TRIM62: variants seen among roughly 807,000 people sequenced by gnomAD.
TRIM62 encodes the protein tripartite motif containing 62.
Under a neutral mutation model 44.2 loss-of-function variants are expected in TRIM62, and 39 were observed. That is an observed-to-expected ratio of 0.88 (90% CI 0.68 to 1.15). The LOEUF is 1.15. Ranked by LOEUF, TRIM62 falls within the 50% of genes most tolerant of loss-of-function variation. TRIM62 has a pLI of 0.00. For missense variants in TRIM62, 544 were observed against 665.5 expected (o/e 0.82, Z 2.01); for synonymous variants, 278 against 292.3 (o/e 0.95, Z 0.50).
At chr1:33,172,826 G>A (rs1328958580) in intron 1 of TRIM62, among the ~76,000 whole-genome samples, 2 of 152,148 alleles carry the variant, frequency 1.3e-5, no homozygotes, top group Non-Finnish European at 2.9e-5. Flanking sequence ...AGCCATCTCA[G>A]CTCTGGCTTC....
chr1:33,172,495 G>A (rs958605367), intron 1 of TRIM62, among the ~76,000 whole-genome samples: 2 of 152,118 alleles, frequency 1.3e-5, no homozygotes, highest in Non-Finnish European at 2.9e-5. Context: ...GGCACTGGAG[G>A]AGGCCTTGAA....
chr1:33,155,816 G>T (rs774820414), intron 4 of TRIM62, among the ~76,000 whole-genome samples: 6 of 151,938 alleles, frequency 3.9e-5, no homozygotes, highest in Admixed American at 2.6e-4. Flanking sequence ...TCTGCCCTTG[G>T]GGGGGATCTG....
At position 33,161,432 on chromosome 1, in the gene TRIM62, C is replaced by T. The variant is rs1034898244; in HGVS notation, c.505-1488G>A. Among the ~76,000 whole-genome samples the T allele has an allele frequency of 6.6e-6, 1 of 152,142 alleles. No individual in the cohort carries two copies. The highest frequency in any genetic ancestry group is 2.4e-5 in the African/African-American group (1 of 41,434). On this transcript the variant is annotated intron_variant, in intron 2 of 4. Transcript: ENST00000291416. This position sits in a 1 kb window ranked among gnomAD's most constrained non-coding sequence, Gnocchi z 4.3. ...GGCTGGGAGTTCATGGAGTCAGAAA[C>T]CCCACTGTGTTCAGTGCCCAGGGCT...
At chr1:33,171,511 C>T (rs1645374508) in intron 1 of TRIM62, among the ~76,000 whole-genome samples, 1 of 152,190 alleles carries the variant, frequency 6.6e-6, no homozygotes, top group Non-Finnish European at 1.5e-5. Context: ...CTTGGCCTCC[C>T]TACCTCCCAT....
chr1:33,158,150 T>TGCTCATTCACCCC, intron 4 of TRIM62, 103 bp downstream of exon 4: 1 of 1,033,796 alleles, frequency 9.7e-7, no homozygotes, highest in Non-Finnish European at 1.5e-6. Flanking sequence ...CAAGGCACTC[T>TGCTCATTCACCCC]GCTCATTCAC....
At chr1:33,154,491 T>C (rs1201323491) in intron 4 of TRIM62, among the ~76,000 whole-genome samples, 1 of 151,898 alleles carries the variant, frequency 6.6e-6, no homozygotes, top group Non-Finnish European at 1.5e-5. Flanking sequence ...ATCTTTTTTT[T>C]TTCTTAATTA....
intron 1 of TRIM62, among the ~76,000 whole-genome samples, chr1:33,169,366 T>G (rs1365536977): frequency 6.6e-6 from 1 of 152,178 alleles, no homozygotes; most frequent in Non-Finnish European, 1.5e-5. Flanking sequence ...CTCTGGAATT[T>G]GTTCTCTCCT....
intron 2 of TRIM62, chr1:33,164,355 A>G (rs893364531): frequency 2.0e-5 from 3 of 152,298 alleles, no homozygotes; most frequent in Admixed American, 6.5e-5. Context: ...TCCTGCTGAC[A>G]GAGCGGGGTC....
intron 4 of TRIM62, among the ~76,000 whole-genome samples, chr1:33,150,136 T>C (rs1199431394): frequency 6.6e-6 from 1 of 152,232 alleles, no homozygotes; most frequent in Non-Finnish European, 1.5e-5. Flanking sequence ...TTGGCTTTCC[T>C]TAGCCTGAAT....
In TRIM62 at chr1:33,159,504, GC is replaced by G. The variant is rs1297209786; in HGVS notation, c.761+183del. Among the ~76,000 whole-genome samples the G allele has an allele frequency of 6.6e-6, 1 of 152,148 alleles. No homozygotes were observed. The highest frequency in any genetic ancestry group is 1.9e-4 in the East Asian group (1 of 5,188). ...CATTGCTGCTGCTCCTCTAGTTCAAGCCTCACTGGCTTCATACTCAAGGCTT... is the reference window on the plus strand; with the variant it reads ...CATTGCTGCTGCTCCTCTAGTTCAAGCTCACTGGCTTCATACTCAAGGCTT... On this transcript the variant is annotated intron_variant, in intron 3 of 4. Transcript: ENST00000291416. This position sits in a 1 kb window ranked among gnomAD's most constrained non-coding sequence, Gnocchi z 4.2.
intron 4 of TRIM62, among the ~76,000 whole-genome samples, chr1:33,155,113 C>T (rs1236863013): frequency 1.4e-5 from 2 of 145,094 alleles, no homozygotes; most frequent in East Asian, 2.2e-4. Context: ...GCTCTGTCGC[C>T]CAGGCTGTAG....
chr1:33,177,159 C>G lies in TRIM62; in HGVS notation c.408+3866G>C, dbSNP rs1262521970. Among the ~76,000 whole-genome samples the G allele has an allele frequency of 6.6e-6, 1 of 152,178 alleles. No individual in the cohort carries two copies. The highest frequency in any genetic ancestry group is 1.5e-5 in the Non-Finnish European group (1 of 68,028). On this transcript the variant is annotated intron_variant, in intron 1 of 4. Transcript: ENST00000291416. This position sits in a 1 kb window ranked among gnomAD's most constrained non-coding sequence, Gnocchi z 4.1. ...CACGCACATGCACACCCACAGGTTA[C>G]ATAAAAATCCTTAGAACTGTATAGT...
chr1:33,151,320 G>A (rs909595199), intron 4 of TRIM62, among the ~76,000 whole-genome samples: 2 of 152,084 alleles, frequency 1.3e-5, no homozygotes, highest in African/African-American at 4.8e-5. Flanking sequence ...ACTCTCTTAG[G>A]CGGGGGTGTG....
chr1:33,159,852 C>G lies in TRIM62; in HGVS notation c.597G>C (p.Glu199Asp), dbSNP rs1482559278. 3 of 1,613,374 alleles carry G rather than the reference C, an allele frequency of 1.9e-6. No homozygotes were observed. Among genetic ancestry groups the G allele is most frequent in the Non-Finnish European group, 2.5e-6 (3 of 1,180,038 alleles). The change falls in exon 3 of 5, where the codon GAG becomes GAC. Residue 199 changes from glutamate (E) to aspartate (D), a missense_variant. Coordinates refer to ENST00000291416, the MANE Select transcript of TRIM62 (RefSeq NM_018207.3). The surrounding 1 kb of genome is among the most constrained non-coding windows in gnomAD (Gnocchi z 4.2). ...LRERQKAMLE[E>D]LEADTARTLT... ...GCGTGCGGGCCGTGTCCGCCTCCAG[C>G]TCCTCTAGCATGGCCTTCTGGCGTT...
In TRIM62 at chr1:33,145,732, G is replaced by A. The variant is rs1431950859; in HGVS notation, c.*1445C>T. The A allele has an allele frequency of 2.6e-6, 1 of 385,054 alleles. No individual in the cohort carries two copies. Among genetic ancestry groups the A allele is most frequent in the African/African-American group, 2.1e-5 (1 of 47,220 alleles). The allele number at this position is 385,054 out of a possible 1,614,324, so 23.9% of individuals were successfully genotyped here. A position where few individuals can be genotyped will look rare whatever the true frequency, so the allele number is the denominator to read the frequency against. ...CCCACTCCTCCAGTTCCCACCTCTG[G>A]GCAGGGATAGAGCCAAGGGGCAGGA... On this transcript the variant is annotated 3_prime_UTR_variant, in exon 5 of 5. Coordinates refer to ENST00000291416, the MANE Select transcript of TRIM62 (RefSeq NM_018207.3).
intron 4 of TRIM62, among the ~76,000 whole-genome samples, chr1:33,148,944 G>T (rs188715934): frequency 4.6e-5 from 7 of 152,260 alleles, no homozygotes; most frequent in Admixed American, 3.9e-4. Context: ...TCTAGCGCCA[G>T]TCCTTTCTCC....
intron 4 of TRIM62, among the ~76,000 whole-genome samples, chr1:33,150,359 A>T (rs1033215301): frequency 6.6e-6 from 1 of 152,224 alleles, no homozygotes; most frequent in African/African-American, 2.4e-5. Flanking sequence ...AATGATGGGG[A>T]CTGTCCCCAA....
chr1:33,181,621 A>G lies in TRIM62; in HGVS notation c.-189T>C. The G allele has an allele frequency of 2.7e-6, 3 of 1,123,882 alleles. No individual in the cohort carries two copies. The highest frequency in any genetic ancestry group is 3.6e-6 in the Non-Finnish European group (3 of 831,416). 69.6% of individuals were successfully genotyped at this position (1,123,882 alleles called of 1,614,324 possible). The stretch of plus-strand genomic sequence containing the variant: ...AACGCGAGGAAGGGGTGCGCGGCTG[A>G]GACTCCGTGGGACGCCAGCCCGGGA... On this transcript the variant is annotated 5_prime_UTR_variant, in exon 1 of 5. Coordinates refer to ENST00000291416, the MANE Select transcript of TRIM62 (RefSeq NM_018207.3). This position sits in a 1 kb window ranked among gnomAD's most constrained non-coding sequence, Gnocchi z 6.5.
chr1:33,171,632 G>T (rs597066), intron 1 of TRIM62, among the ~76,000 whole-genome samples: 149,238 of 152,250 alleles, frequency 0.98, 73,196 homozygotes, highest in Middle Eastern at 1. Context: ...AGTTAGTCGA[G>T]GAGGAAGAAA....
Sources: gnomAD v4.1 joint callset for allele counts (sites outside exome capture counted in the v4.1 genomes callset) on GRCh38, gnomAD v4.1.1 for gene constraint, Gnocchi (gnomAD v3.1) non-coding constraint, MANE v1.5 for transcripts, NCBI Gene and HGNC (gene_info 2026-07-23, HGNC 2026-07-21) for gene names.